The following SGK2 variants were observed in gnomAD, a reference collection of about 807,000 sequenced individuals.
SGK2 encodes the protein serum/glucocorticoid regulated kinase 2, also known as serine/threonine-protein kinase Sgk2.
SGK2 carries 36 observed loss-of-function variants against 47.5 expected under a neutral mutation model. The ratio of observed to expected loss-of-function variants is 0.76; its 90% confidence interval spans 0.58 to 1.00. The LOEUF (loss-of-function observed/expected upper bound fraction) is 1.00, where lower values mean the gene tolerates loss of function less well. SGK2 is among the 50% of genes least tolerant of loss of function. The probability of loss-of-function intolerance (pLI) is 0.00; values close to 1 mark genes in which losing one functional copy is unlikely to be tolerated. For synonymous variants in SGK2, 157 were observed against 181.9 expected (o/e 0.86, Z 1.10); for missense variants, 404 against 467.4 (o/e 0.86, Z 1.25).
intron 7 of SGK2, 114 bp downstream of exon 7, chr20:43,570,843 G>T: frequency 7.9e-7 from 1 of 1,257,918 alleles, no homozygotes. Context: ...CCTTTGTTTT[G>T]GGTGGGGTTG....
intron 1 of SGK2, chr20:43,566,137 CT>C (rs1979692869): frequency 1.8e-6 from 1 of 545,590 alleles, no homozygotes; most frequent in Non-Finnish European, 3.3e-6. Flanking sequence ...CCTTCCAGCC[CT>C]GGCCATCTTG....
intron 1 of SGK2, among the ~76,000 whole-genome samples, chr20:43,562,571 T>C (rs1354884030): frequency 2.0e-5 from 3 of 149,890 alleles, no homozygotes; most frequent in South Asian, 2.1e-4. Context: ...TGAAACCCAG[T>C]CTCTACTAAA....
Position 43,572,545 on chromosome 20 carries a change from C to T in SGK2, c.597+408C>T, listed in dbSNP as rs577141659. Among the ~76,000 whole-genome samples the T allele has an allele frequency of 4.0e-4, 61 of 152,198 alleles. 1 individual carries two copies. In the South Asian group the frequency reaches 6.4e-3, roughly 16 times the overall value. ...ACAAAAAATTAGCTGGGCACGGTGA[C>T]GGGCACCTATAGTCCCAGCTACTCG... is the stretch of plus-strand genomic sequence containing the variant. On this transcript the variant is annotated intron_variant, in intron 9 of 12. Coordinates refer to ENST00000373100, the MANE Select transcript of SGK2 (RefSeq NM_170693.3). This position sits in a 1 kb window ranked among gnomAD's most constrained non-coding sequence, Gnocchi z 4.2.
In SGK2 at chr20:43,576,388, C is replaced by T; in HGVS notation, c.849+9C>T. Reference sequence around the variant, plus strand: ...GCTCCAAAGCAGACTTTGTAGGTGACCTACCAGTGGAGCACTGGCCCCCAT... The same window carrying T: ...GCTCCAAAGCAGACTTTGTAGGTGATCTACCAGTGGAGCACTGGCCCCCAT... On this transcript the variant is annotated intron_variant, in intron 11 of 12. Transcript: ENST00000373100. 6.2e-7 allele frequency: 1 copy of T among 1,612,904 alleles called. No individual in the cohort carries two copies. The highest frequency in any genetic ancestry group is 8.5e-7 in the Non-Finnish European group (1 of 1,179,292).
intron 1 of SGK2, among the ~76,000 whole-genome samples, chr20:43,559,453 G>GC (rs773836161): frequency 1.3e-5 from 2 of 151,980 alleles, no homozygotes; most frequent in Non-Finnish European, 2.9e-5. Flanking sequence ...GAAATTCCAG[G>GC]CCGTGGGCTT....
Position 43,570,689 on chromosome 20 carries a change from A to C in SGK2, c.433A>C (p.Ser145Arg), listed in dbSNP as rs755742423. 12 of 1,613,482 alleles carry C rather than the reference A, an allele frequency of 7.4e-6. No individual in the cohort carries two copies. The highest frequency in any genetic ancestry group is 1.0e-5 in the Non-Finnish European group (12 of 1,179,578). Residue 145 changes from serine (S) to arginine (R), a missense_variant, in exon 7 of 13, where the codon AGC (serine) becomes CGC (arginine). Transcript: ENST00000373100. ...CAGGTTCTACGCTGCTGAGGTGGCCAGCGCCATTGGCTACCTGCACTCCCT... is the reference window on the plus strand; with the variant it reads ...CAGGTTCTACGCTGCTGAGGTGGCCCGCGCCATTGGCTACCTGCACTCCCT... The part of the protein sequence containing the change: ...RARFYAAEVA[S>R]AIGYLHSLNI...
chr20:43,569,115 C>A (rs993430089), intron 5 of SGK2, among the ~76,000 whole-genome samples: 1 of 152,156 alleles, frequency 6.6e-6, no homozygotes, highest in Non-Finnish European at 1.5e-5. Flanking sequence ...TTGCTTTTCA[C>A]TCCAAGGGCA....
At chr20:43,584,339 C>T (rs1980974802) in intron 12 of SGK2, among the ~76,000 whole-genome samples, 1 of 152,146 alleles carries the variant, frequency 6.6e-6, no homozygotes, top group Non-Finnish European at 1.5e-5. Context: ...GAAATAGACT[C>T]CACCTCTAGA....
chr20:43,585,261 A>G lies in SGK2; in HGVS notation c.*245A>G, dbSNP rs1212084891. On this transcript the variant is annotated 3_prime_UTR_variant, in exon 13 of 13. Transcript: ENST00000373100. ...GGCTTCCAATGTTAGGTTTGCTACA[A>G]GATGGTTACTGGAGCTCTAGCTGCC... 1 of 302,230 alleles carries G rather than the reference A, an allele frequency of 3.3e-6. No homozygotes were observed. Among genetic ancestry groups the G allele is most frequent in the Non-Finnish European group, 6.3e-6 (1 of 158,962 alleles). The allele number at this position is 302,230 out of a possible 1,614,324, so 18.7% of individuals were successfully genotyped here.
In SGK2 at chr20:43,566,461, C is replaced by T. The variant is rs369635262; in HGVS notation, c.-23-12C>T. 1.5e-5 allele frequency: 24 copies of T among 1,614,138 alleles called. No individual in the cohort carries two copies. The highest frequency in any genetic ancestry group is 2.2e-5 in the East Asian group (1 of 44,866). ...CCAACTCTCTCATGCCTGCTCCTCC[C>T]TGTCCCCCCAGAGCTGCCTGATCAT... is the stretch of plus-strand genomic sequence containing the variant. On this transcript the variant is annotated splice_polypyrimidine_tract_variant and intron_variant, in intron 1 of 12. Coordinates refer to ENST00000373100, the MANE Select transcript of SGK2 (RefSeq NM_170693.3).
chr20:43,566,618 G>A (rs1979737081), intron 2 of SGK2, 87 bp downstream of exon 2: 1 of 910,960 alleles, frequency 1.1e-6, no homozygotes, highest in Non-Finnish European at 1.7e-6. Context: ...ACAATGTCAG[G>A]GGCTGAGAGG....
At chr20:43,581,069 G>T (rs989513224) in intron 12 of SGK2, among the ~76,000 whole-genome samples, 42 of 151,954 alleles carry the variant, frequency 2.8e-4, no homozygotes, top group African/African-American at 9.7e-4. Flanking sequence ...CAGAGATGGG[G>T]TTTCACCATG....
chr20:43,564,932 C>T (rs1979599562), intron 1 of SGK2: 1 of 152,802 alleles, frequency 6.5e-6, no homozygotes, highest in African/African-American at 2.4e-5. Flanking sequence ...AAAACACTCA[C>T]ACAGTACACA....
Position 43,574,999 on chromosome 20 carries a change from G to A in SGK2, c.688G>A (p.Gly230Ser), listed in dbSNP as rs774078730. Residue 230 changes from glycine (G) to serine (S), a missense_variant, in exon 10 of 13, where the codon GGC (glycine) becomes AGC (serine). Transcript: ENST00000373100. Reference sequence around the variant, plus strand: ...GGCAGTCCTCTACGAGATGCTCCATGGCCTGGTGAGTCAGGGGTAGCCATC... The same window carrying A: ...GGCAGTCCTCTACGAGATGCTCCATAGCCTGGTGAGTCAGGGGTAGCCATC... The part of the protein sequence containing the change: ...LGAVLYEMLH[G>S]LPPFYSQDVS... 3.1e-6 allele frequency: 5 copies of A among 1,612,186 alleles called. No individual in the cohort carries two copies. The highest frequency in any genetic ancestry group is 4.2e-6 in the Non-Finnish European group (5 of 1,178,448).
chr20:43,569,253 T>G (rs1410086695), intron 5 of SGK2, 132 bp from the exon 6 acceptor site: 5 of 1,137,782 alleles, frequency 4.4e-6, no homozygotes, highest in Non-Finnish European at 6.2e-6. Context: ...GGAGCCATTG[T>G]GGGTGTTTGA....
At chr20:43,566,447 A>G (rs765222284) in intron 1 of SGK2, 26 bp from the exon 2 acceptor site, 18 of 1,612,938 alleles carry the variant, frequency 1.1e-5, no homozygotes, top group African/African-American at 2.7e-5. Context: ...CAACTCTCTC[A>G]TGCCTGCTCC....
At chr20:43,567,250 C>A in intron 3 of SGK2, 133 bp downstream of exon 3, 1 of 747,076 alleles carries the variant, frequency 1.3e-6, no homozygotes, top group South Asian at 1.6e-5. Context: ...AGGACCTTTC[C>A]CCAGCTCTAT....
At position 43,566,637 on chromosome 20, in the gene SGK2, G is replaced by A. The variant is rs115582130; in HGVS notation, c.36+106G>A. 1,664 of 762,642 alleles carry A rather than the reference G, an allele frequency of 2.2e-3. 19 individuals carry two copies. The African/African-American group carries it at 0.024, about 11-fold the overall frequency. 47.2% of individuals were successfully genotyped at this position (762,642 alleles called of 1,614,324 possible). ...TGTCAGGGGCTGAGAGGGTTACTGC[G>A]AGCACATAGAAATGAGCCACTTGCA... On this transcript the variant is annotated intron_variant, in intron 2 of 12. Transcript: ENST00000373100.
At position 43,585,134 on chromosome 20, in the gene SGK2, T is replaced by G. The variant is rs970192033; in HGVS notation, c.*118T>G. On this transcript the variant is annotated 3_prime_UTR_variant, in exon 13 of 13. Transcript: ENST00000373100. ...TTCAACGAGAAGCAGGTTTATTTTT[T>G]CCAGCACATAAAAGAAAAATAATGT... 3.0e-6 allele frequency: 3 copies of G among 991,974 alleles called. No individual in the cohort carries two copies. The highest frequency in any genetic ancestry group is 4.5e-6 in the Non-Finnish European group (3 of 673,518). The allele number at this position is 991,974 out of a possible 1,614,324, so 61.4% of individuals were successfully genotyped here. A position where few individuals can be genotyped will look rare whatever the true frequency, so the allele number is the denominator to read the frequency against.
Sources: allele counts gnomAD v4.1 joint callset (sites outside exome capture counted in the v4.1 genomes callset), GRCh38; gene constraint gnomAD v4.1.1; non-coding constraint Gnocchi (gnomAD v3.1); transcripts MANE v1.5; gene names NCBI Gene and HGNC (gene_info 2026-07-23, HGNC 2026-07-21).